GALNT9: variants seen among roughly 807,000 people sequenced by gnomAD.
GALNT9 encodes GalNAc transferase 9.
A neutral mutation model predicts 63.1 loss-of-function variants in GALNT9; 47 were observed. That is an observed-to-expected ratio of 0.75 (90% CI 0.59 to 0.95). The LOEUF is 0.95. Ranked by LOEUF, GALNT9 falls within the 40% of genes least tolerant of loss-of-function variation. The pLI, the probability that GALNT9 is intolerant of heterozygous loss-of-function variation, is 0.00. For synonymous variants in GALNT9, 396 were observed against 365.7 expected, an observed-to-expected ratio of 1.08 and a Z score of -0.94; for missense variants, 829 against 874.8, an observed-to-expected ratio of 0.95 and a Z score of 0.66.
At chr12:132,301,825 A>G (rs1881307497) in intron 1 of GALNT9, among the ~76,000 whole-genome samples, 1 of 152,226 alleles carries the variant, frequency 6.6e-6, no homozygotes, top group Non-Finnish European at 1.5e-5. Flanking sequence ...GCCACCTTCA[A>G]GATGGAGGGG....
At chr12:132,210,180 C>T (rs776828087) in intron 6 of GALNT9, among the ~76,000 whole-genome samples, 1 of 152,166 alleles carries the variant, frequency 6.6e-6, no homozygotes, top group South Asian at 2.1e-4. Context: ...CTGCAGGCCC[C>T]GGGCTGGCAC....
chr12:132,297,847 A>G (rs939691877), intron 1 of GALNT9, among the ~76,000 whole-genome samples: 4 of 151,782 alleles, frequency 2.6e-5, no homozygotes, highest in African/African-American at 7.3e-5. Context: ...CACTTCTGAG[A>G]AAACCAACTC....
At chr12:132,218,019 T>C (rs1430947441) in intron 6 of GALNT9, among the ~76,000 whole-genome samples, 1 of 146,030 alleles carries the variant, frequency 6.8e-6, no homozygotes, top group Non-Finnish European at 1.5e-5. Flanking sequence ...CTAGACACCA[T>C]CTATCTATCC....
intron 2 of GALNT9, among the ~76,000 whole-genome samples, chr12:132,267,902 C>T (rs1188822029): frequency 6.7e-6 from 1 of 149,144 alleles, no homozygotes; most frequent in South Asian, 2.2e-4. Flanking sequence ...CACACACGCA[C>T]ACAAATCCAC....
chr12:132,202,484 C>T (rs1396983302), intron 7 of GALNT9, among the ~76,000 whole-genome samples: 1 of 152,084 alleles, frequency 6.6e-6, no homozygotes, highest in Non-Finnish European at 1.5e-5. Context: ...CGCTGGGGTG[C>T]ACTCTAGCAG....
intron 1 of GALNT9, among the ~76,000 whole-genome samples, chr12:132,309,264 G>T (rs1358546401): frequency 2.6e-5 from 4 of 152,346 alleles, no homozygotes; most frequent in Admixed American, 6.5e-5. Flanking sequence ...GGCAGAGATG[G>T]GCTGGAGTGG....
chr12:132,201,114 G>A lies in GALNT9; in HGVS notation c.1401+10C>T, dbSNP rs1054653746. 3 of 1,611,840 alleles carry A rather than the reference G, an allele frequency of 1.9e-6. No homozygotes were observed. The highest frequency in any genetic ancestry group is 1.7e-5 in the Admixed American group (1 of 59,836). On this transcript the variant is annotated intron_variant, in intron 8 of 10. Transcript: ENST00000328957. ...GTCGGGCCGAACGGGGCCCTCGGGG[G>A]AGGTGCTACCTCTCCGTACGTGAGG...
At chr12:132,292,687 G>A (rs1413660483) in intron 1 of GALNT9, among the ~76,000 whole-genome samples, 1 of 152,240 alleles carries the variant, frequency 6.6e-6, no homozygotes, top group East Asian at 1.9e-4. Flanking sequence ...TCCTGGGCCA[G>A]AGCTACAGCA....
At chr12:132,220,057 A>T (rs1460620270) in intron 6 of GALNT9, among the ~76,000 whole-genome samples, 2 of 152,256 alleles carry the variant, frequency 1.3e-5, no homozygotes, top group Non-Finnish European at 2.9e-5. Flanking sequence ...GTGGGTGCTC[A>T]TGGAGTTAAG....
At chr12:132,213,852 C>T (rs1014005399) in intron 6 of GALNT9, among the ~76,000 whole-genome samples, 5 of 152,244 alleles carry the variant, frequency 3.3e-5, no homozygotes, top group African/African-American at 7.2e-5. Context: ...GAAAGAGCCT[C>T]GACTGCATCA....
At chr12:132,230,003 G>T (rs1026169530) in intron 6 of GALNT9, among the ~76,000 whole-genome samples, 1 of 152,164 alleles carries the variant, frequency 6.6e-6, no homozygotes, top group Non-Finnish European at 1.5e-5. Flanking sequence ...CTGCCAGGCC[G>T]ACCTGGGTCC....
In GALNT9 at chr12:132,319,830, G is replaced by A. The variant is rs1868697837; in HGVS notation, c.238+9136C>T. Among the ~76,000 whole-genome samples the A allele has an allele frequency of 6.6e-6, 1 of 152,174 alleles. No individual in the cohort carries two copies. Among genetic ancestry groups the A allele is most frequent in the Non-Finnish European group, 1.5e-5 (1 of 68,042 alleles). On this transcript the variant is annotated intron_variant, in intron 1 of 10. Transcript: ENST00000328957. This position sits in a 1 kb window ranked among gnomAD's most constrained non-coding sequence, Gnocchi z 5.2. ...TGCCCAGCCTCCCGCGTCCTTCTAG[G>A]GAGAAGCCGGATTTCCTGTAGAACC...
Position 132,252,200 on chromosome 12 carries a change from G to A in GALNT9, c.960-4173C>T, listed in dbSNP as rs558977494. On this transcript the variant is annotated intron_variant, in intron 5 of 10. Coordinates refer to ENST00000328957, the MANE Select transcript of GALNT9 (RefSeq NM_001122636.2). This position sits in a 1 kb window ranked among gnomAD's most constrained non-coding sequence, Gnocchi z 5.2. ...CCTAGGACTGTCCCATTGAAGCTCAGGTGCTTCAACTCTGCAGGGAGCAAA... is the reference window on the plus strand; with the variant it reads ...CCTAGGACTGTCCCATTGAAGCTCAAGTGCTTCAACTCTGCAGGGAGCAAA... Among the ~76,000 whole-genome samples the A allele has an allele frequency of 2.1e-4, 32 of 152,272 alleles. 1 individual carries two copies. Among genetic ancestry groups the A allele is most frequent in the African/African-American group, 7.7e-4 (32 of 41,554 alleles).
At chr12:132,292,930 C>T (rs1481100802) in intron 1 of GALNT9, among the ~76,000 whole-genome samples, 1 of 152,186 alleles carries the variant, frequency 6.6e-6, no homozygotes, top group African/African-American at 2.4e-5. Flanking sequence ...GACTTTCCCA[C>T]CAGGAGGAGA....
chr12:132,230,989 T>C (rs1424202179), intron 6 of GALNT9, among the ~76,000 whole-genome samples: 102 of 128,792 alleles, frequency 7.9e-4, no homozygotes, highest in East Asian at 6.5e-3. Flanking sequence ...CTCGATGGAG[T>C]GACAGAGGAG....
rs556231014 is a variant in GALNT9 at position 132,296,184 on chromosome 12, C to G, written c.239-9754G>C. Reference sequence around the variant, plus strand: ...ACAGGGAGAGCCTCCGGAATAGGGACGGCCTCCGAACAGGGAGAGTGTCCG... The same window carrying G: ...ACAGGGAGAGCCTCCGGAATAGGGAGGGCCTCCGAACAGGGAGAGTGTCCG... On this transcript the variant is annotated intron_variant, in intron 1 of 10. Transcript: ENST00000328957. This position sits in a 1 kb window ranked among gnomAD's most constrained non-coding sequence, Gnocchi z 4.2. 6.6e-5 allele frequency among the ~76,000 whole-genome samples: 10 copies of G among 151,874 alleles called. No individual in the cohort carries two copies. The highest frequency in any genetic ancestry group is 5.9e-4 in the Admixed American group (9 of 15,270).
At chr12:132,256,002 G>A (rs184505037) in intron 5 of GALNT9, among the ~76,000 whole-genome samples, 1 of 152,116 alleles carries the variant, frequency 6.6e-6, no homozygotes. Context: ...CCTCCCAAGT[G>A]TTGGGATTAC....
chr12:132,283,756 C>CG (rs1185223391), intron 2 of GALNT9: 3 of 152,260 alleles, frequency 2.0e-5, no homozygotes, highest in African/African-American at 2.4e-5. Context: ...GGGACCCCCC[C>CG]CCAGGAGGGG....
At chr12:132,325,320 T>C (rs1868989272) in intron 1 of GALNT9, among the ~76,000 whole-genome samples, 1 of 152,228 alleles carries the variant, frequency 6.6e-6, no homozygotes, top group Non-Finnish European at 1.5e-5. Context: ...TGGAGTGCTA[T>C]GTTCACAGTA....
Sources: gnomAD v4.1 joint callset for allele counts (sites outside exome capture counted in the v4.1 genomes callset) on GRCh38, gnomAD v4.1.1 for gene constraint, Gnocchi (gnomAD v3.1) non-coding constraint, MANE v1.5 for transcripts, NCBI Gene and HGNC (gene_info 2026-07-23, HGNC 2026-07-21) for gene names.